KHDRBS2: variants seen among roughly 807,000 people sequenced by gnomAD.
KHDRBS2 encodes the protein KH domain-containing, RNA-binding, signal transduction-associated protein 2.
KHDRBS2 carries 26 observed loss-of-function variants against 44.3 expected under a neutral mutation model. That is an observed-to-expected ratio of 0.59 (90% CI 0.43 to 0.81). The LOEUF (loss-of-function observed/expected upper bound fraction) is 0.81, where lower values mean the gene tolerates loss of function less well. Among genes scored for constraint, KHDRBS2 ranks in the 40% least tolerant of loss-of-function variants. KHDRBS2 has a pLI of 0.00. For synonymous variants in KHDRBS2, 194 were observed against 151.1 expected (o/e 1.28, Z -2.08); for missense variants, 476 against 433.1 (o/e 1.10, Z -0.88).
At chr6:61,792,715 G>C (rs771188532) in intron 6 of KHDRBS2, among the ~76,000 whole-genome samples, 28 of 151,788 alleles carry the variant, frequency 1.8e-4, no homozygotes, top group Non-Finnish European at 3.2e-4. Flanking sequence ...CTTCAAATCT[G>C]TAAGTTAGCT....
chr6:61,704,514 G>A lies in KHDRBS2; in HGVS notation c.894-7261C>T, dbSNP rs1244682667. ...TAGCAGCTACTTTGCTGGAGTGACC[G>A]CGTATCAGTATTAGGGAGAGAGGGG... On this transcript the variant is annotated intron_variant, in intron 7 of 8. Transcript: ENST00000281156. Among the ~76,000 whole-genome samples, 12 of 151,876 alleles carry A rather than the reference G, an allele frequency of 7.9e-5. No homozygotes were observed. The South Asian group carries it at 2.5e-3, about 32-fold the overall frequency.
intron 1 of KHDRBS2, among the ~76,000 whole-genome samples, chr6:62,213,902 A>AAAAAAAAAAAC (rs1829543710): frequency 6.9e-6 from 1 of 145,676 alleles, no homozygotes; most frequent in African/African-American, 2.6e-5. Context: ...AAAAAAAAAA[A>AAAAAAAAAAAC]AGAATGAAGT....
intron 1 of KHDRBS2, among the ~76,000 whole-genome samples, chr6:62,258,177 G>A (rs144088100): frequency 6.6e-6 from 1 of 152,036 alleles, no homozygotes; most frequent in Admixed American, 6.6e-5. Flanking sequence ...GAAGAAACAT[G>A]AGATGCAGTT....
intron 3 of KHDRBS2, among the ~76,000 whole-genome samples, chr6:62,006,138 T>C (rs1451342280): frequency 1.3e-5 from 2 of 151,916 alleles, no homozygotes; most frequent in African/African-American, 4.8e-5. Flanking sequence ...ATTTGTAATA[T>C]TTCACTCTAG....
chr6:61,639,810 T>G, the KHDRBS2 span, among the ~76,000 whole-genome samples: 2 of 152,066 alleles, frequency 1.3e-5, no homozygotes, highest in African/African-American at 4.8e-5. Context: ...GATATTGCTT[T>G]AGAATTGGAA....
intron 2 of KHDRBS2, among the ~76,000 whole-genome samples, chr6:62,128,160 T>C (rs953121462): frequency 6.6e-5 from 10 of 152,252 alleles, no homozygotes; most frequent in African/African-American, 2.2e-4. Flanking sequence ...AATATAATTA[T>C]AGTTAAGAGC....
intron 4 of KHDRBS2, among the ~76,000 whole-genome samples, chr6:61,938,207 A>G (rs2127372908): frequency 6.6e-6 from 1 of 152,286 alleles, no homozygotes; most frequent in South Asian, 2.1e-4. Flanking sequence ...ACATTTTTCA[A>G]AAATATAAAA....
At chr6:61,991,989 C>T (rs140916889) in intron 3 of KHDRBS2, among the ~76,000 whole-genome samples, 28 of 152,240 alleles carry the variant, frequency 1.8e-4, no homozygotes, top group African/African-American at 5.8e-4. Flanking sequence ...ATCAGGCAAA[C>T]GGACTGAGAA....
chr6:61,770,610 A>C (rs1780723410), intron 6 of KHDRBS2, among the ~76,000 whole-genome samples: 1 of 152,176 alleles, frequency 6.6e-6, no homozygotes, highest in African/African-American at 2.4e-5. Flanking sequence ...AATGAATGAA[A>C]TGAAGTGAGA....
chr6:61,873,553 A>G (rs1022919207), intron 6 of KHDRBS2, among the ~76,000 whole-genome samples: 3 of 151,822 alleles, frequency 2.0e-5, no homozygotes, highest in Non-Finnish European at 4.4e-5. Flanking sequence ...TATCTCAAAC[A>G]GTTGAACATT....
chr6:61,858,835 G>A (rs780259062), intron 6 of KHDRBS2, among the ~76,000 whole-genome samples: 35 of 151,764 alleles, frequency 2.3e-4, no homozygotes, highest in Admixed American at 9.9e-4. Context: ...CATAACAGTC[G>A]TATATTGGCC....
At chr6:61,993,673 A>ATATATATTT (rs1425839225) in intron 3 of KHDRBS2, among the ~76,000 whole-genome samples, 6 of 115,680 alleles carry the variant, frequency 5.2e-5, no homozygotes, top group African/African-American at 1.9e-4. Context: ...ATATATATAT[A>ATATATATTT]TTTTTTTTTT....
intron 2 of KHDRBS2, among the ~76,000 whole-genome samples, chr6:62,095,661 A>G (rs886254798): frequency 6.6e-6 from 1 of 151,930 alleles, no homozygotes; most frequent in African/African-American, 2.4e-5. Context: ...TGTTGTCTCC[A>G]AACAGGGACA....
intron 6 of KHDRBS2, among the ~76,000 whole-genome samples, chr6:61,844,164 G>A (rs928887360): frequency 1.3e-5 from 2 of 152,000 alleles, no homozygotes; most frequent in Non-Finnish European, 2.9e-5. Context: ...TACTTTAAAG[G>A]CCTCAAATTA....
intron 7 of KHDRBS2, among the ~76,000 whole-genome samples, chr6:61,700,857 T>C (rs938196404): frequency 6.6e-6 from 1 of 151,776 alleles, no homozygotes; most frequent in African/African-American, 2.4e-5. Context: ...AAAGATCACA[T>C]GGAGCAGACT....
intron 2 of KHDRBS2, among the ~76,000 whole-genome samples, chr6:62,169,707 C>A (rs1267284587): frequency 6.6e-6 from 1 of 152,042 alleles, no homozygotes; most frequent in Admixed American, 6.6e-5. Flanking sequence ...TGGGAAAATG[C>A]CCCGGCCCCA....
intron 6 of KHDRBS2, among the ~76,000 whole-genome samples, chr6:61,859,131 T>C (rs545300210): frequency 6.6e-6 from 1 of 151,926 alleles, no homozygotes; most frequent in South Asian, 2.1e-4. Flanking sequence ...TATATGTATA[T>C]TTAAAATTAT....
chr6:61,786,226 T>C (rs1341062971), intron 6 of KHDRBS2, among the ~76,000 whole-genome samples: 1 of 151,946 alleles, frequency 6.6e-6, no homozygotes, highest in Admixed American at 6.6e-5. Context: ...AAGGAAAATG[T>C]AGTGCAAAGT....
At chr6:62,106,913 C>A (rs1803517923) in intron 2 of KHDRBS2, among the ~76,000 whole-genome samples, 1 of 151,824 alleles carries the variant, frequency 6.6e-6, no homozygotes, top group African/African-American at 2.4e-5. Flanking sequence ...TAAAAACTCT[C>A]AATAAATTAG....
Sources: gnomAD v4.1 joint callset for allele counts (sites outside exome capture counted in the v4.1 genomes callset) on GRCh38, gnomAD v4.1.1 for gene constraint, MANE v1.5 for transcripts, NCBI Gene and HGNC (gene_info 2026-07-23, HGNC 2026-07-21) for gene names.